DENND10: variants seen among roughly 807,000 people sequenced by gnomAD.
The protein encoded by DENND10 is DENN domain-containing protein 10.
A neutral mutation model predicts 43.6 loss-of-function variants in DENND10; 24 were observed. The ratio of observed to expected loss-of-function variants is 0.55; its 90% confidence interval spans 0.40 to 0.77. DENND10 has a LOEUF of 0.77. Ranked by LOEUF, DENND10 falls within the 30% of genes least tolerant of loss-of-function variation. The probability of loss-of-function intolerance (pLI) is 0.00; values close to 1 mark genes in which losing one functional copy is unlikely to be tolerated. For synonymous variants in DENND10, 125 were observed against 157.6 expected (o/e 0.79, Z 1.55); for missense variants, 303 against 429.9 (o/e 0.70, Z 2.61).
intron 3 of DENND10, chr10:119,114,251 C>T (rs1232627319): frequency 1.5e-5 from 2 of 135,666 alleles, no homozygotes; most frequent in Non-Finnish European, 3.1e-5. Flanking sequence ...CATGTATGCA[C>T]ATCCAAGTAT....
At chr10:119,116,421 C>T (rs1033059867) in intron 3 of DENND10, among the ~76,000 whole-genome samples, 4 of 152,098 alleles carry the variant, frequency 2.6e-5, no homozygotes, top group Admixed American at 6.6e-5. Context: ...GTGAACAGTG[C>T]GTAAAACTCC....
intron 6 of DENND10, among the ~76,000 whole-genome samples, chr10:119,125,312 T>A (rs556416000): frequency 8.8e-4 from 130 of 148,250 alleles, no homozygotes; most frequent in African/African-American, 3.1e-3. Flanking sequence ...ATCAGTGACT[T>A]TTTTTTTTCA....
At chr10:119,108,531 G>T (rs1321165329) in intron 2 of DENND10, among the ~76,000 whole-genome samples, 2 of 151,748 alleles carry the variant, frequency 1.3e-5, no homozygotes, top group Non-Finnish European at 2.9e-5. Flanking sequence ...TTTTCATTGG[G>T]AATACTCTGT....
In DENND10 at chr10:119,104,194, A is replaced by T; in HGVS notation, c.52A>T (p.Ile18Phe). ...TCAGCTGATGCTTGGAGTCGGGCTG[A>T]TCGGTGAGGACGTAGGCGCCCTGCC... ...DTQLMLGVGL[I>F]EKDTNGEVLW... The change falls in exon 1 of 9, where the codon ATC (isoleucine) becomes TTC (phenylalanine). Residue 18 changes from isoleucine (I) to phenylalanine (F), a missense_variant. Ile to Phe is a conservative substitution (Grantham distance 21). Coordinates refer to ENST00000361432, the MANE Select transcript of DENND10 (RefSeq NM_207009.4). 1 of 1,521,794 alleles carries T rather than the reference A, an allele frequency of 6.6e-7. No homozygotes were observed. Among genetic ancestry groups the T allele is most frequent in the East Asian group, 2.7e-5 (1 of 37,352 alleles). The allele number at this position is 1,521,794 out of a possible 1,614,324, so 94.3% of individuals were successfully genotyped here.
chr10:119,124,964 T>G (rs530265541), intron 6 of DENND10, among the ~76,000 whole-genome samples: 1 of 152,124 alleles, frequency 6.6e-6, no homozygotes, highest in South Asian at 2.1e-4. Context: ...CCTGTAAAGT[T>G]TTTTTTTGTT....
chr10:119,130,517 C>T (rs1175586372), intron 7 of DENND10, among the ~76,000 whole-genome samples: 1 of 152,132 alleles, frequency 6.6e-6, no homozygotes, highest in Non-Finnish European at 1.5e-5. Flanking sequence ...AGGCTGGTCT[C>T]GAATTCCTAG....
At chr10:119,128,584 G>T (rs1448276719) in intron 6 of DENND10, among the ~76,000 whole-genome samples, 3 of 150,102 alleles carry the variant, frequency 2.0e-5, no homozygotes, top group Non-Finnish European at 2.9e-5. Context: ...CTCTGGCCTG[G>T]GTGACAGAGC....
At position 119,123,537 on chromosome 10, in the gene DENND10, C is replaced by T; in HGVS notation, c.662C>T (p.Ala221Val). 2 of 1,613,312 alleles carry T rather than the reference C, an allele frequency of 1.2e-6. No individual in the cohort carries two copies. Among genetic ancestry groups the T allele is most frequent in the Non-Finnish European group, 1.7e-6 (2 of 1,179,716 alleles). Residue 221 changes from alanine to valine, a missense_variant, in exon 6 of 9, where the codon GCC becomes GTC. Coordinates refer to ENST00000361432, the MANE Select transcript of DENND10 (RefSeq NM_207009.4). Reference sequence around the variant, plus strand: ...CTTCACTCTTACGTGCACCTCAACGCCGATGAGCTGGAAGCCCTGCAGATG... The same window carrying T: ...CTTCACTCTTACGTGCACCTCAACGTCGATGAGCTGGAAGCCCTGCAGATG... ...TILHSYVHLN[A>V]DELEALQMCT...
intron 3 of DENND10, among the ~76,000 whole-genome samples, chr10:119,117,132 G>A (rs1845327389): frequency 1.3e-5 from 2 of 152,068 alleles, no homozygotes; most frequent in Admixed American, 1.3e-4. Context: ...AGCACTTTAG[G>A]AGGCTGAGGT....
At chr10:119,105,294 CTTT>C (rs749653382) in intron 1 of DENND10, 9 of 144,146 alleles carry the variant, frequency 6.2e-5, no homozygotes, top group South Asian at 4.0e-4. Context: ...TGTCTTTCTT[CTTT>C]TTTTTTTTTT....
At chr10:119,135,386 CA>C (rs1430538992) in intron 8 of DENND10, among the ~76,000 whole-genome samples, 1 of 151,868 alleles carries the variant, frequency 6.6e-6, no homozygotes, top group Non-Finnish European at 1.5e-5. Context: ...GATGAATGGG[CA>C]AGCAAAATGT....
intron 3 of DENND10, among the ~76,000 whole-genome samples, chr10:119,116,827 C>T (rs1276996798): frequency 7.5e-6 from 1 of 133,982 alleles, no homozygotes; most frequent in East Asian, 2.3e-4. Flanking sequence ...TACTGCCACA[C>T]CTGGCTAATT....
intron 6 of DENND10, among the ~76,000 whole-genome samples, chr10:119,124,479 C>T (rs186086300): frequency 5.1e-4 from 78 of 151,562 alleles, no homozygotes; most frequent in African/African-American, 1.3e-3. Context: ...AGGTGGAGGT[C>T]GCAGTGAGCT....
chr10:119,122,162 G>A (rs1247771654), intron 5 of DENND10, among the ~76,000 whole-genome samples: 1 of 152,104 alleles, frequency 6.6e-6, no homozygotes, highest in East Asian at 1.9e-4. Flanking sequence ...ACAAAAATTA[G>A]CCAGGCATGG....
intron 4 of DENND10, among the ~76,000 whole-genome samples, chr10:119,119,591 A>T (rs1255810592): frequency 1.3e-5 from 2 of 148,890 alleles, no homozygotes; most frequent in Non-Finnish European, 1.5e-5. Context: ...TAATTTTTAA[A>T]CATTTTTTAG....
intron 3 of DENND10, among the ~76,000 whole-genome samples, chr10:119,113,198 CT>C (rs34439017): frequency 0.56 from 79,607 of 141,416 alleles, 22,546 homozygotes; most frequent in Middle Eastern, 0.69. Context: ...TGGTTGTTGT[CT>C]TTTTTTTAGC....
At chr10:119,120,706 A>G (rs1391266098) in intron 5 of DENND10, among the ~76,000 whole-genome samples, 2 of 152,206 alleles carry the variant, frequency 1.3e-5, no homozygotes, top group Admixed American at 6.5e-5. Flanking sequence ...TGTGAGCCAT[A>G]TGGTCACTGC....
At chr10:119,131,319 G>A (rs902120229) in intron 7 of DENND10, among the ~76,000 whole-genome samples, 2 of 152,176 alleles carry the variant, frequency 1.3e-5, no homozygotes, top group African/African-American at 2.4e-5. Context: ...TTAGCCGGGC[G>A]TGGTGGCAGG....
rs2133534440 is a variant in DENND10, at chr10:119,132,636, G to A, written c.897+27G>A. The A allele has an allele frequency of 6.3e-7, 1 of 1,579,866 alleles. No individual in the cohort carries two copies. The highest frequency in any genetic ancestry group is 1.1e-5 in the South Asian group (1 of 90,366). The stretch of plus-strand genomic sequence containing the variant: ...TAACTCCCTCACCTTCTGACTTACT[G>A]AAAGTCCTGACCCGGTGTCGCTGGG... On this transcript the variant is annotated intron_variant, in intron 8 of 8. Transcript: ENST00000361432. The surrounding 1 kb of genome is among the most constrained non-coding windows in gnomAD (Gnocchi z 4.2).
Sources: gnomAD v4.1 joint callset for allele counts (sites outside exome capture counted in the v4.1 genomes callset) on GRCh38, gnomAD v4.1.1 for gene constraint, Gnocchi (gnomAD v3.1) non-coding constraint, MANE v1.5 for transcripts, NCBI Gene and HGNC (gene_info 2026-07-23, HGNC 2026-07-21) for gene names.